The following PKN3 variants were observed in gnomAD, a reference collection of about 807,000 sequenced individuals.
The protein encoded by PKN3 is protein kinase N3.
In PKN3, 91 loss-of-function variants were observed where a neutral mutation model predicts 113.1. That is an observed-to-expected ratio of 0.80 (90% confidence interval 0.68 to 0.96). The LOEUF is 0.96. Ranked by LOEUF, PKN3 falls within the 40% of genes least tolerant of loss-of-function variation. PKN3 has a pLI of 0.00. For missense variants in PKN3, 1,052 were observed against 1,202.2 expected, an observed-to-expected ratio of 0.88 and a Z score of 1.85; for synonymous variants, 467 against 499.0, an observed-to-expected ratio of 0.94 and a Z score of 0.85.
intron 6 of PKN3, among the ~76,000 whole-genome samples, chr9:128,710,599 C>G (rs1862147807): frequency 6.6e-6 from 1 of 151,996 alleles, no homozygotes; most frequent in Non-Finnish European, 1.5e-5. Context: ...TCAAGCAATT[C>G]TCCTGCCTCA....
In PKN3 at chr9:128,715,471, G is replaced by T; in HGVS notation, c.1808+11G>T. 2 of 1,606,064 alleles carry T rather than the reference G, an allele frequency of 1.2e-6. No individual in the cohort carries two copies. The highest frequency in any genetic ancestry group is 1.7e-6 in the Non-Finnish European group (2 of 1,173,186). ...GGACGAGATAGAGAGGTGTGTGGGG[G>T]TGCCGCAGGGCACCCAGGATGGCTG... On this transcript the variant is annotated intron_variant, in intron 15 of 21. Coordinates refer to ENST00000291906, the MANE Select transcript of PKN3 (RefSeq NM_013355.5). This position sits in a 1 kb window ranked among gnomAD's most constrained non-coding sequence, Gnocchi z 4.1.
At chr9:128,704,745 C>A (rs1717099354) in intron 1 of PKN3, among the ~76,000 whole-genome samples, 1 of 151,890 alleles carries the variant, frequency 6.6e-6, no homozygotes, top group Non-Finnish European at 1.5e-5. Flanking sequence ...ATGGAGAAAC[C>A]CCGTCCCTAC....
chr9:128,712,733 G>A (rs1450234936), intron 6 of PKN3, among the ~76,000 whole-genome samples: 1 of 152,194 alleles, frequency 6.6e-6, no homozygotes, highest in Non-Finnish European at 1.5e-5. Flanking sequence ...ACAGAGAAGT[G>A]TGCATTCTGG....
Position 128,713,311 on chromosome 9 carries a change from G to T in PKN3, c.1016G>T (p.Arg339Leu). Residue 339 changes from arginine to leucine, a missense_variant, in exon 8 of 22, where the codon CGT becomes CTT. By Grantham distance (102) the Arg-to-Leu change is moderately radical. Transcript: ENST00000291906. ...EVLAVLKVDNRVVGQTGWGQV... is the reference protein window; with the variant it reads ...EVLAVLKVDNLVVGQTGWGQV... ...CTGGCTGTGCTAAAGGTGGACAACC[G>T]TGTTGTGGGGCAGACGGGCTGGGGG... 1 of 1,614,118 alleles carries T rather than the reference G, an allele frequency of 6.2e-7. No homozygotes were observed.
chr9:128,720,191 C>T lies in PKN3; in HGVS notation c.2377-12C>T. The stretch of plus-strand genomic sequence containing the variant: ...CTGAATGCCCTAAGTGAGCGCCTGT[C>T]CTATTGCCCAGCTCCTCCAGAAGTG... On this transcript the variant is annotated splice_polypyrimidine_tract_variant and intron_variant, in intron 20 of 21. Coordinates refer to ENST00000291906, the MANE Select transcript of PKN3 (RefSeq NM_013355.5). This position sits in a 1 kb window ranked among gnomAD's most constrained non-coding sequence, Gnocchi z 5.5. The T allele has an allele frequency of 6.2e-7, 1 of 1,612,768 alleles. No homozygotes were observed.
intron 1 of PKN3, chr9:128,703,599 C>T (rs957621940): frequency 3.0e-6 from 3 of 985,368 alleles, no homozygotes; most frequent in Non-Finnish European, 3.6e-6. Flanking sequence ...TGTCCTGTTC[C>T]GGAGCGAGTG....
chr9:128,718,524 C>T (rs1354259461), intron 17 of PKN3, 25 bp from the exon 18 acceptor site: 1 of 1,612,956 alleles, frequency 6.2e-7, no homozygotes. Flanking sequence ...CACTCAGTCC[C>T]TTTGATCTGC....
chr9:128,718,367 CGAG>C lies in PKN3; in HGVS notation c.2029_2031del (p.Glu677del). The C allele has an allele frequency of 3.1e-6, 5 of 1,612,918 alleles. No individual in the cohort carries two copies. Among genetic ancestry groups the C allele is most frequent in the Non-Finnish European group, 4.2e-6 (5 of 1,179,714 alleles). On this transcript the variant is annotated inframe_deletion, in exon 17 of 22. Coordinates refer to ENST00000291906, the MANE Select transcript of PKN3 (RefSeq NM_013355.5). Reference sequence around the variant, plus strand: ...TTGTCCTGGGGCTGCAGTTCTTACACGAGAAGAAGATCATTTACAGGTGACTTT... The same window carrying C: ...TTGTCCTGGGGCTGCAGTTCTTACACAAGAAGATCATTTACAGGTGACTTT...
chr9:128,716,297 CAA>C (rs35693710), intron 15 of PKN3, among the ~76,000 whole-genome samples: 1,391 of 98,610 alleles, frequency 0.014, 14 homozygotes, highest in East Asian at 0.042. Context: ...GACCCTGTCT[CAA>C]AAAAAAAAAA....
rs1862351568 is a variant in PKN3 at position 128,716,784 on chromosome 9, T to C, written c.1846T>C (p.Cys616Arg). The C allele has an allele frequency of 1.2e-6, 2 of 1,614,100 alleles. No individual in the cohort carries two copies. Residue 616 changes from cysteine (C) to arginine (R), a missense_variant, in exon 16 of 22, where the codon TGC (cysteine) becomes CGC (arginine). Cys to Arg is a radical substitution (Grantham distance 180, BLOSUM62 -3). Transcript: ENST00000291906. ...CEKRILEAVGCTGHPFLLSLL... is the reference protein window; with the variant it reads ...CEKRILEAVGRTGHPFLLSLL... The stretch of plus-strand genomic sequence containing the variant: ...GAAGCGGATCCTGGAGGCTGTGGGC[T>C]GCACAGGGCACCCTTTCCTGCTCTC...
At chr9:128,706,409 G>A (rs943320833) in intron 3 of PKN3, among the ~76,000 whole-genome samples, 6 of 152,038 alleles carry the variant, frequency 3.9e-5, no homozygotes, top group African/African-American at 1.5e-4. Context: ...GATCTGATGG[G>A]GGAGAGTTAG....
At chr9:128,714,014 A>C in intron 9 of PKN3, 32 bp from the exon 10 acceptor site, 4 of 1,610,606 alleles carry the variant, frequency 2.5e-6, no homozygotes, top group Non-Finnish European at 3.4e-6. Flanking sequence ...ATGGGAGGCG[A>C]CTGGTCCACA....
intron 6 of PKN3, among the ~76,000 whole-genome samples, chr9:128,711,680 C>T (rs193280345): frequency 2.1e-4 from 32 of 150,794 alleles, no homozygotes; most frequent in Admixed American, 1.8e-3. Flanking sequence ...CTCACTGCAA[C>T]CTCCGCCTCC....
chr9:128,703,268 T>A lies in PKN3; in HGVS notation c.24+329T>A, dbSNP rs946602920. On this transcript the variant is annotated intron_variant, in intron 1 of 21. Coordinates refer to ENST00000291906, the MANE Select transcript of PKN3 (RefSeq NM_013355.5). Reference sequence around the variant, plus strand: ...GTGTCCTTAAGTCGGTTCTCCTCGGTGGGGCTCCAAGGCCGACGGGAATTA... The same window carrying A: ...GTGTCCTTAAGTCGGTTCTCCTCGGAGGGGCTCCAAGGCCGACGGGAATTA... 1.0e-5 allele frequency: 7 copies of A among 668,562 alleles called. No homozygotes were observed. The African/African-American group carries it at 1.4e-4, about 13-fold the overall frequency. The allele number at this position is 668,562 out of a possible 1,614,324, so 41.4% of individuals were successfully genotyped here.
At chr9:128,716,597 CA>C (rs374683003) in intron 15 of PKN3, 149 bp from the exon 16 acceptor site, 275 of 566,824 alleles carry the variant, frequency 4.9e-4, no homozygotes, top group African/African-American at 3.2e-3. Flanking sequence ...GACTGTGTCT[CA>C]AAAAAAAAAA....
rs761904790 is a variant in PKN3, at chr9:128,720,296, G to A, written c.2457+13G>A. On this transcript the variant is annotated intron_variant, in intron 21 of 21. Coordinates refer to ENST00000291906, the MANE Select transcript of PKN3 (RefSeq NM_013355.5). The surrounding 1 kb of genome is among the most constrained non-coding windows in gnomAD (Gnocchi z 5.5). The stretch of plus-strand genomic sequence containing the variant: ...GCCATTCTTCAGGGTGAGCGGCTGG[G>A]GTGGCGGTGGTCCCCTGTGCCTGGC... 4.3e-6 allele frequency: 7 copies of A among 1,613,564 alleles called. No homozygotes were observed. The African/African-American group carries it at 6.7e-5, about 15-fold the overall frequency.
rs1000648025 is a variant in PKN3 at position 128,704,443 on chromosome 9, C to A, written c.25-860C>A. On this transcript the variant is annotated intron_variant, in intron 1 of 21. Transcript: ENST00000291906. ...CCTTCTCATGTGGCTTCGTGTGAAC[C>A]CCTATTCGGCGTAGCTTTTGTGGCT... Among the ~76,000 whole-genome samples, 6 of 152,300 alleles carry A rather than the reference C, an allele frequency of 3.9e-5. No homozygotes were observed. The East Asian group carries it at 1.2e-3, about 29-fold the overall frequency.
At chr9:128,717,399 A>G (rs1315407949) in intron 16 of PKN3, among the ~76,000 whole-genome samples, 1 of 151,166 alleles carries the variant, frequency 6.6e-6, no homozygotes, top group Non-Finnish European at 1.5e-5. Context: ...AAGTGCTGAG[A>G]TTACAGGCGT....
chr9:128,703,984 A>C (rs1861931451), intron 1 of PKN3: 1 of 985,434 alleles, frequency 1.0e-6, no homozygotes, highest in Non-Finnish European at 1.2e-6. Flanking sequence ...CCTGTGGCCT[A>C]GGGCGGTCAG....
Sources: gnomAD v4.1 joint callset for allele counts (sites outside exome capture counted in the v4.1 genomes callset) on GRCh38, gnomAD v4.1.1 for gene constraint, Gnocchi (gnomAD v3.1) non-coding constraint, MANE v1.5 for transcripts, NCBI Gene and HGNC (gene_info 2026-07-23, HGNC 2026-07-21) for gene names.